The following ENTREP2 variants were observed in gnomAD, a reference collection of about 807,000 sequenced individuals.
The protein encoded by ENTREP2 is endosomal transmembrane epsin interactor 2.
the ENTREP2 span, among the ~76,000 whole-genome samples, chr15:29,282,943 G>C: frequency 6.6e-6 from 1 of 152,176 alleles, no homozygotes; most frequent in African/African-American, 2.4e-5. Context: ...GGTGATGCCT[G>C]GTATGGGGGT....
the ENTREP2 span, among the ~76,000 whole-genome samples, chr15:29,631,380 TC>T: frequency 1.3e-5 from 2 of 152,188 alleles, no homozygotes; most frequent in African/African-American, 4.8e-5. Flanking sequence ...GGGTCTGTCT[TC>T]TTTAAAGTTT....
the ENTREP2 span, among the ~76,000 whole-genome samples, chr15:29,404,514 T>C: frequency 6.6e-6 from 1 of 151,962 alleles, no homozygotes; most frequent in Non-Finnish European, 1.5e-5. Context: ...ATCTTACTCC[T>C]GCTTTGCAGA....
At chr15:29,613,865 G>T in the ENTREP2 span, 1 of 168,974 alleles carries the variant, frequency 5.9e-6, no homozygotes, top group South Asian at 1.5e-4. Flanking sequence ...CAGCTGTATA[G>T]GGCTCTCACC....
At chr15:29,538,714 C>T in the ENTREP2 span, among the ~76,000 whole-genome samples, 242 of 149,578 alleles carry the variant, frequency 1.6e-3, 3 homozygotes, top group African/African-American at 5.6e-3. Flanking sequence ...GAGGCTGAGG[C>T]AGGAGAATGG....
chr15:29,381,778 A>C, the ENTREP2 span: 2 of 1,551,322 alleles, frequency 1.3e-6, no homozygotes, highest in Non-Finnish European at 8.7e-7. Context: ...CACTTACCAC[A>C]AGGGAGAGAG....
chr15:29,140,314 G>C, the ENTREP2 span, among the ~76,000 whole-genome samples: 3 of 152,174 alleles, frequency 2.0e-5, no homozygotes, highest in African/African-American at 4.8e-5. Context: ...GAGACGGGCA[G>C]ACGCCTCCTT....
At chr15:29,467,590 T>TA in the ENTREP2 span, among the ~76,000 whole-genome samples, 1 of 152,186 alleles carries the variant, frequency 6.6e-6, no homozygotes. Context: ...GTCCTAGTTA[T>TA]AGGCCCTTCC....
the ENTREP2 span, among the ~76,000 whole-genome samples, chr15:29,576,877 G>T: frequency 6.6e-6 from 1 of 152,088 alleles, no homozygotes; most frequent in African/African-American, 2.4e-5. Flanking sequence ...GCGTGATCTC[G>T]GCTCACTGCA....
chr15:29,560,342 G>A, the ENTREP2 span, among the ~76,000 whole-genome samples: 2 of 152,202 alleles, frequency 1.3e-5, no homozygotes, highest in African/African-American at 4.8e-5. Context: ...TGTAAAGTCA[G>A]CAATAGGGTA....
the ENTREP2 span, among the ~76,000 whole-genome samples, chr15:29,585,760 G>T: frequency 3.9e-5 from 6 of 151,934 alleles, no homozygotes; most frequent in African/African-American, 1.4e-4. Flanking sequence ...GGAGGCTGAG[G>T]CAGGAGAATG....
chr15:29,548,248 A>G, the ENTREP2 span, among the ~76,000 whole-genome samples: 1 of 152,020 alleles, frequency 6.6e-6, no homozygotes, highest in African/African-American at 2.4e-5. Context: ...TGGGTCCAGG[A>G]TTCAAGACCA....
the ENTREP2 span, among the ~76,000 whole-genome samples, chr15:29,434,512 C>CA: frequency 1.3e-5 from 2 of 152,174 alleles, no homozygotes; most frequent in Non-Finnish European, 1.5e-5. Context: ...AAATCAGACT[C>CA]AGAGTCTCTG....
At chr15:29,408,967 C>T in the ENTREP2 span, among the ~76,000 whole-genome samples, 27 of 152,284 alleles carry the variant, frequency 1.8e-4, no homozygotes, top group African/African-American at 5.5e-4. Context: ...AGGCCATTAA[C>T]ACATCTAAAA....
At chr15:29,534,967 C>T in the ENTREP2 span, among the ~76,000 whole-genome samples, 12 of 152,314 alleles carry the variant, frequency 7.9e-5, no homozygotes, top group Admixed American at 5.9e-4. Flanking sequence ...AAGCTGGGGC[C>T]AGGCATGGTG....
At chr15:29,534,496 A>T in the ENTREP2 span, among the ~76,000 whole-genome samples, 1 of 152,252 alleles carries the variant, frequency 6.6e-6, no homozygotes, top group Non-Finnish European at 1.5e-5. Flanking sequence ...AGGGCAAACA[A>T]GTATACTTCT....
chr15:29,573,241 CTGTAAAATTTCGT>C, the ENTREP2 span, among the ~76,000 whole-genome samples: 1 of 152,174 alleles, frequency 6.6e-6, no homozygotes, highest in Non-Finnish European at 1.5e-5. Context: ...TCTACTTTCG[CTGTAAAATTTCGT>C]TTGCATCCAA....
At chr15:29,472,229 C>T in the ENTREP2 span, among the ~76,000 whole-genome samples, 2 of 152,040 alleles carry the variant, frequency 1.3e-5, no homozygotes, top group Non-Finnish European at 2.9e-5. Context: ...ATGCTGAAGC[C>T]AGGCCTGTCA....
the ENTREP2 span, among the ~76,000 whole-genome samples, chr15:29,368,506 A>G: frequency 6.6e-6 from 1 of 152,052 alleles, no homozygotes; most frequent in African/African-American, 2.4e-5. Context: ...CAAACTGTCT[A>G]AAGAACTAAA....
chr15:29,262,628 G>T, the ENTREP2 span, among the ~76,000 whole-genome samples: 2 of 152,232 alleles, frequency 1.3e-5, no homozygotes, highest in South Asian at 2.1e-4. Flanking sequence ...CTTGCCCTAT[G>T]CATCTCTTCA....
Sources: allele counts gnomAD v4.1 joint callset (sites outside exome capture counted in the v4.1 genomes callset), GRCh38; gene constraint gnomAD v4.1.1; transcripts MANE v1.5; gene names NCBI Gene and HGNC (gene_info 2026-07-23, HGNC 2026-07-21).